The following MAGEB16 variants were observed in gnomAD, a reference collection of about 807,000 sequenced individuals.
MAGEB16 encodes the protein MAGE family member B16.
For synonymous variants in MAGEB16, 95 were observed against 92.1 expected (o/e 1.03, Z -0.18); for missense variants, 217 against 234.0 (o/e 0.93, Z 0.47).
At chrX:35,802,870 T>A in exon 2 of MAGEB16, 2 of 1,211,857 alleles carry the variant, frequency 1.7e-6, no homozygotes, top group Non-Finnish European at 2.2e-6. Context: ...GAAGAGGAAG[T>A]CTGGGAAGTG....
At chrX:35,799,874 C>T (rs865928890) in intron 1 of MAGEB16, among the ~76,000 whole-genome samples, 3 of 111,871 alleles carry the variant, frequency 2.7e-5, no homozygotes, top group Middle Eastern at 4.6e-3. Flanking sequence ...TATGGGGGCC[C>T]ACCAGTCAGA....
chrX:35,801,364 T>A (rs1601847642), intron 1 of MAGEB16: 1 of 111,558 alleles, frequency 9.0e-6, no homozygotes, highest in East Asian at 2.9e-4. Context: ...GAGAGTGGCA[T>A]TAGTATACTG....
chrX:35,800,435 G>T, intron 1 of MAGEB16: 1 of 516,865 alleles, frequency 1.9e-6, no homozygotes, highest in South Asian at 2.5e-5. Flanking sequence ...GTTAGGTGAA[G>T]ACACAGACTT....
exon 2 of MAGEB16, chrX:35,802,740 C>G: frequency 8.3e-7 from 1 of 1,211,440 alleles, no homozygotes; most frequent in Non-Finnish European, 1.1e-6. Flanking sequence ...TTGCTATGGC[C>G]TCTTCATCAA....
In MAGEB16 at chrX:35,802,719, C is replaced by T. The variant is rs199945481; in HGVS notation, c.523C>T (p.Pro175Ser). ...TGGCCTTGATGTGGTGGAGGTGGAC[C>T]CCACCACCCATTGCTATGGCCTCTT... Residue 175 changes from proline (P) to serine (S), a missense_variant, in exon 2 of 2, where the codon CCC (proline) becomes TCC (serine). Physicochemically the swap from Pro to Ser is moderately conservative, Grantham distance 74. Transcript: ENST00000399988. The T allele has an allele frequency of 2.8e-4, 344 of 1,207,959 alleles. No individual in the cohort carries two copies. In the South Asian group the frequency reaches 5.0e-3, roughly 18 times the overall value.
chrX:35,799,526 T>C (rs913694209), intron 1 of MAGEB16, among the ~76,000 whole-genome samples: 5 of 111,367 alleles, frequency 4.5e-5, no homozygotes, highest in Non-Finnish European at 7.5e-5. Context: ...CTTAGGGAAG[T>C]GAAGGTTTTG....
exon 2 of MAGEB16, chrX:35,802,849 A>G (rs758268013): frequency 1.7e-6 from 2 of 1,211,881 alleles, no homozygotes; most frequent in Non-Finnish European, 2.2e-6. Context: ...ATGAAGGGCA[A>G]CCGTGCCACT....
At chrX:35,803,218 TG>T (rs1934883604) in exon 2 of MAGEB16, 1 of 1,079,731 alleles carries the variant, frequency 9.3e-7, no homozygotes, top group African/African-American at 1.9e-5. Flanking sequence ...TCCAGTGCTA[TG>T]TCTGGTAGCT....
At chrX:35,799,349 G>A (rs370412630) in intron 1 of MAGEB16, among the ~76,000 whole-genome samples, 2 of 111,057 alleles carry the variant, frequency 1.8e-5, no homozygotes, top group Admixed American at 9.6e-5. Context: ...TCAGTTAGCC[G>A]ACTGGAGGGA....
intron 1 of MAGEB16, among the ~76,000 whole-genome samples, chrX:35,799,209 C>A (rs1474801506): frequency 9.1e-6 from 1 of 110,400 alleles, no homozygotes; most frequent in East Asian, 2.9e-4. Context: ...GTTCTGCAGG[C>A]TCCACAAAAG....
chrX:35,803,182 A>G, exon 2 of MAGEB16: 1 of 1,145,111 alleles, frequency 8.7e-7, no homozygotes, highest in Non-Finnish European at 1.2e-6. Context: ...GTCAGGGCTG[A>G]CTCCATTTCC....
At chrX:35,799,500 A>G (rs936596466) in intron 1 of MAGEB16, among the ~76,000 whole-genome samples, 14 of 111,650 alleles carry the variant, frequency 1.3e-4, no homozygotes, top group African/African-American at 4.6e-4. Context: ...AGATACTGCT[A>G]ATTTTCTCCT....
At chrX:35,800,441 G>A in intron 1 of MAGEB16, 1 of 519,396 alleles carries the variant, frequency 1.9e-6, no homozygotes, top group South Asian at 2.5e-5. Flanking sequence ...TGAAGACACA[G>A]ACTTAAGACT....
intron 1 of MAGEB16, among the ~76,000 whole-genome samples, chrX:35,799,330 G>C (rs189201751): frequency 1.1e-4 from 12 of 111,161 alleles, no homozygotes; most frequent in Non-Finnish European, 1.9e-5. Context: ...TGGTTGGAAG[G>C]GGGCAGCATC....
chrX:35,802,120 C>G lies in MAGEB16; in HGVS notation c.-66-11C>G, dbSNP rs1191419438. The G allele has an allele frequency of 8.6e-6, 10 of 1,161,770 alleles. No homozygotes were observed. Among genetic ancestry groups the G allele is most frequent in the Non-Finnish European group, 1.2e-5 (10 of 859,693 alleles). The stretch of plus-strand genomic sequence containing the variant: ...AGCTGAGGACATTTACACCCTTTCT[C>G]TCTCCCTTAGGCAGTGATTCTTCAT... On this transcript the variant is annotated splice_polypyrimidine_tract_variant and intron_variant, in intron 1 of 1. Coordinates refer to ENST00000399988, the Ensembl canonical transcript of MAGEB16.
chrX:35,802,809 C>T lies in MAGEB16; in HGVS notation c.613C>T (p.Leu205Phe). The T allele has an allele frequency of 1.7e-6, 2 of 1,211,626 alleles. No homozygotes were observed. The highest frequency in any genetic ancestry group is 2.2e-6 in the Non-Finnish European group (2 of 895,518). The change falls in exon 2 of 2, where the codon CTC becomes TTC. Residue 205 changes from leucine to phenylalanine, a missense_variant. Coordinates refer to ENST00000399988, the Ensembl canonical transcript of MAGEB16. ...TGAAAAGGGTGTGCCCAAGACTGGCCTCCTGATAATTGTCCTGGGTGTGAT... is the reference window on the plus strand; with the variant it reads ...TGAAAAGGGTGTGCCCAAGACTGGCTTCCTGATAATTGTCCTGGGTGTGAT...
exon 2 of MAGEB16, chrX:35,802,962 AAGG>A (rs1934879677): frequency 8.3e-7 from 1 of 1,211,821 alleles, no homozygotes. Flanking sequence ...AGATTTTGTG[AAGG>A]AGAAGTACCT....
exon 2 of MAGEB16, chrX:35,803,264 T>G: frequency 1.0e-6 from 1 of 953,807 alleles, no homozygotes; most frequent in East Asian, 3.4e-5. Context: ...GATAGATGTT[T>G]TATGTAACAT....
At chrX:35,801,377 A>G (rs756145667) in intron 1 of MAGEB16, 1 of 111,678 alleles carries the variant, frequency 9.0e-6, no homozygotes, top group East Asian at 2.8e-4. Flanking sequence ...GTATACTGGT[A>G]AGTCACCATC....
Sources: allele counts gnomAD v4.1 joint callset (sites outside exome capture counted in the v4.1 genomes callset), GRCh38; gene constraint gnomAD v4.1.1; transcripts MANE v1.5; gene names NCBI Gene and HGNC (gene_info 2026-07-23, HGNC 2026-07-21).